Variants in ZCWPW2 observed in about 807,000 individuals in gnomAD.
The protein encoded by ZCWPW2 is zinc finger CW-type PWWP domain protein 2.
Under a neutral mutation model 46.6 loss-of-function variants are expected in ZCWPW2, and 45 were observed. That is an observed-to-expected ratio of 0.96 (90% CI 0.76 to 1.24). The LOEUF (loss-of-function observed/expected upper bound fraction) is 1.24, where lower values mean the gene tolerates loss of function less well. Ranked by LOEUF, ZCWPW2 falls within the 50% of genes most tolerant of loss-of-function variation. The probability of loss-of-function intolerance (pLI) is 0.00; values close to 1 mark genes in which losing one functional copy is unlikely to be tolerated. For missense variants in ZCWPW2, 429 were observed against 403.9 expected, an observed-to-expected ratio of 1.06 and a Z score of -0.53; for synonymous variants, 152 against 137.1, an observed-to-expected ratio of 1.11 and a Z score of -0.76.
intron 4 of ZCWPW2, chr3:28,478,535 C>G (rs188513781): frequency 1.0e-5 from 2 of 195,970 alleles, no homozygotes; most frequent in Non-Finnish European, 2.0e-5. Context: ...TACTTTGTGA[C>G]GCTGAGGGCC....
intron 3 of ZCWPW2, among the ~76,000 whole-genome samples, chr3:28,424,940 A>T (rs1219256990): frequency 6.6e-6 from 1 of 152,218 alleles, no homozygotes; most frequent in Non-Finnish European, 1.5e-5. Flanking sequence ...TTGTAGTCCC[A>T]CATAATTTTT....
chr3:28,522,977 G>A (rs1157934285), intron 9 of ZCWPW2, among the ~76,000 whole-genome samples: 2 of 152,110 alleles, frequency 1.3e-5, no homozygotes, highest in East Asian at 1.9e-4. Context: ...TCTTTATAGC[G>A]ATGTCCTGGA....
At chr3:28,489,028 T>C (rs1008492492) in intron 5 of ZCWPW2, among the ~76,000 whole-genome samples, 2 of 152,186 alleles carry the variant, frequency 1.3e-5, no homozygotes, top group South Asian at 2.1e-4. Context: ...CAAGATACTC[T>C]ACTTTTATTG....
chr3:28,507,760 A>G (rs1343264396), intron 6 of ZCWPW2, among the ~76,000 whole-genome samples: 1 of 152,146 alleles, frequency 6.6e-6, no homozygotes, highest in Non-Finnish European at 1.5e-5. Flanking sequence ...TAGGTTTAAT[A>G]TATGTTCATT....
intron 1 of ZCWPW2, among the ~76,000 whole-genome samples, chr3:28,368,735 A>G (rs1705211096): frequency 6.6e-6 from 1 of 152,166 alleles, no homozygotes; most frequent in African/African-American, 2.4e-5. Flanking sequence ...GTTCTCCTGG[A>G]TAATATCCCG....
intron 4 of ZCWPW2, chr3:28,461,086 G>A (rs191620436): frequency 2.7e-5 from 5 of 185,830 alleles, no homozygotes; most frequent in African/African-American, 9.4e-5. Context: ...AAAGAAGATT[G>A]TAAGTATGTG....
At chr3:28,520,079 A>T (rs1329874059) in intron 8 of ZCWPW2, among the ~76,000 whole-genome samples, 1 of 145,296 alleles carries the variant, frequency 6.9e-6, no homozygotes, top group African/African-American at 2.6e-5. Context: ...ATCTCAGCTC[A>T]CTGCAAGCTA....
intron 4 of ZCWPW2, among the ~76,000 whole-genome samples, chr3:28,472,252 G>A (rs951541088): frequency 6.6e-6 from 1 of 152,000 alleles, no homozygotes. Flanking sequence ...AACCACAAAA[G>A]GCTCAGAATA....
At chr3:28,499,365 T>C (rs1700081494) in intron 6 of ZCWPW2, among the ~76,000 whole-genome samples, 1 of 152,184 alleles carries the variant, frequency 6.6e-6, no homozygotes, top group Non-Finnish European at 1.5e-5. Context: ...TGGTATCTCA[T>C]TGTGGTTTTG....
intron 9 of ZCWPW2, among the ~76,000 whole-genome samples, chr3:28,523,511 A>G (rs1362429684): frequency 6.6e-6 from 1 of 152,126 alleles, no homozygotes; most frequent in African/African-American, 2.4e-5. Context: ...TTATAAGTTA[A>G]GTACTCCAAA....
chr3:28,484,024 G>T (rs575527662), intron 5 of ZCWPW2, among the ~76,000 whole-genome samples: 1 of 152,258 alleles, frequency 6.6e-6, no homozygotes, highest in Admixed American at 6.5e-5. Flanking sequence ...ATTGAGAAGA[G>T]TGGTGAGGGA....
intron 3 of ZCWPW2, among the ~76,000 whole-genome samples, chr3:28,423,011 G>T (rs1019944525): frequency 6.6e-6 from 1 of 151,958 alleles, no homozygotes; most frequent in Non-Finnish European, 1.5e-5. Flanking sequence ...CTTTGGTAGG[G>T]TGTCTGTTCA....
chr3:28,492,373 G>A (rs111685889), intron 6 of ZCWPW2, among the ~76,000 whole-genome samples, 200 bp downstream of exon 6: 179 of 151,822 alleles, frequency 1.2e-3, no homozygotes, highest in Non-Finnish European at 1.9e-3. Flanking sequence ...TAATGTTATC[G>A]GACTGTCAGA....
chr3:28,369,859 G>A (rs561640487), intron 1 of ZCWPW2, among the ~76,000 whole-genome samples: 65 of 152,296 alleles, frequency 4.3e-4, no homozygotes, highest in African/African-American at 1.5e-3. Context: ...AGCAATGGTG[G>A]GGGCCCCTCC....
intron 4 of ZCWPW2, among the ~76,000 whole-genome samples, chr3:28,475,420 A>G (rs145752817): frequency 1.4e-3 from 206 of 152,284 alleles, no homozygotes; most frequent in African/African-American, 4.8e-3. Flanking sequence ...TAATTGTCCT[A>G]CTTCTATACT....
At chr3:28,445,489 G>A (rs1697953870) in intron 4 of ZCWPW2, among the ~76,000 whole-genome samples, 1 of 152,044 alleles carries the variant, frequency 6.6e-6, no homozygotes, top group Non-Finnish European at 1.5e-5. Flanking sequence ...TCAAATTAAA[G>A]TGTTATAACT....
chr3:28,371,402 G>A (rs988081393), intron 1 of ZCWPW2, among the ~76,000 whole-genome samples: 1 of 152,142 alleles, frequency 6.6e-6, no homozygotes, highest in African/African-American at 2.4e-5. Context: ...AAAATTACTG[G>A]GAGGAGAAAT....
rs1048564445 is a variant in ZCWPW2, at chr3:28,429,833, G to C, written c.333-5277G>C. Among the ~76,000 whole-genome samples, 4 of 152,202 alleles carry C rather than the reference G, an allele frequency of 2.6e-5. 1 individual carries two copies. The South Asian group carries it at 6.2e-4, about 24-fold the overall frequency. On this transcript the variant is annotated intron_variant, in intron 3 of 9. Transcript: ENST00000383768. ...CAAAGGGTACAAGCCCCAAGCCTTGGCAGCTTACACATGGTGTTGGGCCTG... is the reference window on the plus strand; with the variant it reads ...CAAAGGGTACAAGCCCCAAGCCTTGCCAGCTTACACATGGTGTTGGGCCTG...
intron 2 of ZCWPW2, among the ~76,000 whole-genome samples, chr3:28,392,415 A>G (rs1228065085): frequency 6.6e-6 from 1 of 152,236 alleles, no homozygotes; most frequent in East Asian, 1.9e-4. Flanking sequence ...TCATTCAGAC[A>G]GAAATCCAAT....
Sources: allele counts gnomAD v4.1 joint callset (sites outside exome capture counted in the v4.1 genomes callset), GRCh38; gene constraint gnomAD v4.1.1; transcripts MANE v1.5; gene names NCBI Gene and HGNC (gene_info 2026-07-23, HGNC 2026-07-21).